ROBO2: variants seen among roughly 807,000 people sequenced by gnomAD.
ROBO2 encodes the protein roundabout homolog 2.
ROBO2 carries 53 observed loss-of-function variants against 160.8 expected under a neutral mutation model. The observed-to-expected ratio is 0.33, with a 90% CI of 0.26 to 0.41. ROBO2 has a LOEUF of 0.41. Ranked by LOEUF, ROBO2 falls within the 10% of genes least tolerant of loss-of-function variation. The pLI is 1.00. For missense variants in ROBO2, 1,577 were observed against 1,722.4 expected (o/e 0.92, Z 1.49); for synonymous variants, 664 against 611.7 (o/e 1.09, Z -1.26).
chr3:76,142,017 A>G (rs531093003), intron 2 of ROBO2, among the ~76,000 whole-genome samples: 1 of 152,156 alleles, frequency 6.6e-6, no homozygotes, highest in South Asian at 2.1e-4. Flanking sequence ...AAGAGTGTCA[A>G]TAGTTTAGTG....
At chr3:76,386,458 C>A (rs966172828) in intron 2 of ROBO2, among the ~76,000 whole-genome samples, 36 of 151,042 alleles carry the variant, frequency 2.4e-4, no homozygotes, top group African/African-American at 7.8e-4. Context: ...GCGGAAGATT[C>A]AGCACTCATG....
chr3:76,046,416 G>A (rs1236347886), intron 2 of ROBO2, among the ~76,000 whole-genome samples: 1 of 151,948 alleles, frequency 6.6e-6, no homozygotes, highest in Non-Finnish European at 1.5e-5. Flanking sequence ...TTGGGAGGCC[G>A]ACGCGGGTGG....
At chr3:76,047,390 A>G (rs902168719) in intron 2 of ROBO2, among the ~76,000 whole-genome samples, 1 of 152,098 alleles carries the variant, frequency 6.6e-6, no homozygotes, top group Non-Finnish European at 1.5e-5. Context: ...TTCATTCTCC[A>G]TTTCTCTCTG....
At chr3:76,801,873 G>T (rs2064226694) in intron 2 of ROBO2, among the ~76,000 whole-genome samples, 1 of 152,098 alleles carries the variant, frequency 6.6e-6, no homozygotes, top group African/African-American at 2.4e-5. Flanking sequence ...TGAGCCCTTA[G>T]AGTCCTTTGT....
intron 1 of ROBO2, among the ~76,000 whole-genome samples, chr3:75,921,796 C>T (rs1947068636): frequency 6.6e-6 from 1 of 152,168 alleles, no homozygotes; most frequent in Admixed American, 6.5e-5. Context: ...TTCTAAGCAT[C>T]TACTCAGTAT....
chr3:76,552,998 T>C (rs1364251070), intron 2 of ROBO2, among the ~76,000 whole-genome samples: 1 of 152,184 alleles, frequency 6.6e-6, no homozygotes, highest in Non-Finnish European at 1.5e-5. Flanking sequence ...ACGCCCTGAA[T>C]AGCAAGTTTG....
exon 14 of ROBO2, chr3:77,574,630 C>T: frequency 1.2e-6 from 2 of 1,613,212 alleles, no homozygotes; most frequent in Non-Finnish European, 1.7e-6. Context: ...TCTTAGTCAA[C>T]CTGAAAAAGG....
chr3:77,409,107 A>G (rs533968847), intron 2 of ROBO2, among the ~76,000 whole-genome samples: 1 of 147,820 alleles, frequency 6.8e-6, no homozygotes, highest in Non-Finnish European at 1.5e-5. Flanking sequence ...ATATATGTAT[A>G]TATATATATA....
At chr3:75,981,888 A>G (rs1475485289) in intron 2 of ROBO2, among the ~76,000 whole-genome samples, 4 of 149,820 alleles carry the variant, frequency 2.7e-5, no homozygotes, top group Non-Finnish European at 5.9e-5. Flanking sequence ...TTACCTATTA[A>G]CAATCTCCAC....
intron 20 of ROBO2, among the ~76,000 whole-genome samples, chr3:77,604,810 G>A (rs1313426964): frequency 6.6e-6 from 1 of 151,972 alleles, no homozygotes; most frequent in Non-Finnish European, 1.5e-5. Flanking sequence ...CTTAATTTGT[G>A]GATAGCAATG....
chr3:76,751,538 C>G (rs1416908523), intron 2 of ROBO2, among the ~76,000 whole-genome samples: 2 of 152,100 alleles, frequency 1.3e-5, no homozygotes, highest in East Asian at 1.9e-4. Context: ...TGTTTGCAAT[C>G]TACTCATCTG....
chr3:75,986,314 G>A (rs1436375613), intron 2 of ROBO2, among the ~76,000 whole-genome samples: 1 of 151,360 alleles, frequency 6.6e-6, no homozygotes, highest in African/African-American at 2.4e-5. Context: ...CTCCTTTTAT[G>A]TACTTATTGA....
intron 5 of ROBO2, among the ~76,000 whole-genome samples, chr3:77,521,591 A>G (rs2090603478): frequency 1.3e-5 from 2 of 151,286 alleles, no homozygotes; most frequent in African/African-American, 4.8e-5. Flanking sequence ...CAAAACTTGC[A>G]GACAGAAAAG....
At chr3:75,975,743 T>G (rs752574092) in intron 2 of ROBO2, among the ~76,000 whole-genome samples, 5 of 151,602 alleles carry the variant, frequency 3.3e-5, no homozygotes, top group Non-Finnish European at 7.4e-5. Context: ...GTGTGACAAT[T>G]AAATCCAAGA....
rs568742193 is a variant in ROBO2 at position 76,280,201 on chromosome 3, GA to G, written c.109+342601del. On this transcript the variant is annotated intron_variant, in intron 2 of 26. Transcript: ENST00000487694. ...TGAACATGCTTACCTAAGCAGTCAT[GA>G]ATTTTTTCTTCATAATATTTAGTGG... is the stretch of plus-strand genomic sequence containing the variant. Among the ~76,000 whole-genome samples, 281 of 152,074 alleles carry G rather than the reference GA, an allele frequency of 1.8e-3. 3 individuals carry two copies. The highest frequency in any genetic ancestry group is 7.0e-3 in the South Asian group (34 of 4,824).
chr3:76,122,262 TA>T (rs1403861863), intron 2 of ROBO2, among the ~76,000 whole-genome samples: 3 of 151,952 alleles, frequency 2.0e-5, no homozygotes, highest in African/African-American at 7.2e-5. Context: ...CTGTGGCTAT[TA>T]GGCTCTTGGA....
intron 2 of ROBO2, among the ~76,000 whole-genome samples, chr3:76,431,127 G>A (rs1009360731): frequency 1.4e-4 from 21 of 152,112 alleles, no homozygotes; most frequent in Admixed American, 1.3e-3. Flanking sequence ...CCTTTAAACA[G>A]CATAAAAGTT....
intron 2 of ROBO2, among the ~76,000 whole-genome samples, chr3:76,230,201 C>A (rs550694731): frequency 6.6e-6 from 1 of 152,056 alleles, no homozygotes; most frequent in Non-Finnish European, 1.5e-5. Context: ...AAATAAGGAC[C>A]TTTTTCTTCA....
At chr3:77,531,677 G>A (rs1374327221) in intron 6 of ROBO2, among the ~76,000 whole-genome samples, 2 of 152,042 alleles carry the variant, frequency 1.3e-5, no homozygotes, top group East Asian at 3.9e-4. Flanking sequence ...ATAATGTGCT[G>A]TACATAATTG....
Sources: gnomAD v4.1 joint callset for allele counts (sites outside exome capture counted in the v4.1 genomes callset) on GRCh38, gnomAD v4.1.1 for gene constraint, MANE v1.5 for transcripts, NCBI Gene and HGNC (gene_info 2026-07-23, HGNC 2026-07-21) for gene names.